The following PINX1 variants were observed in gnomAD, a reference collection of about 807,000 sequenced individuals.
The protein encoded by PINX1 is PIN2 (TERF1) interacting telomerase inhibitor 1.
PINX1 carries 34 observed loss-of-function variants against 25.4 expected under a neutral mutation model. The ratio of observed to expected loss-of-function variants is 1.34; its 90% CI spans 1.02 to 1.78. The LOEUF (loss-of-function observed/expected upper bound fraction) is 1.78, where lower values mean the gene tolerates loss of function less well. Ranked by LOEUF, PINX1 falls within the 40% of genes most tolerant of loss-of-function variation. The probability of loss-of-function intolerance (pLI) is 0.00; values close to 1 mark genes in which losing one functional copy is unlikely to be tolerated. For missense variants in PINX1, 592 were observed against 404.9 expected (o/e 1.46, Z -3.97); for synonymous variants, 197 against 147.7 (o/e 1.33, Z -2.42).
chr8:10,790,572 C>G (rs1246072682), intron 6 of PINX1, among the ~76,000 whole-genome samples: 1 of 152,150 alleles, frequency 6.6e-6, no homozygotes, highest in Non-Finnish European at 1.5e-5. Context: ...ACTGTCAGCC[C>G]CCAATCCCAG....
intron 1 of PINX1, among the ~76,000 whole-genome samples, chr8:10,836,441 G>C (rs764872728): frequency 6.6e-6 from 1 of 152,240 alleles, no homozygotes; most frequent in Non-Finnish European, 1.5e-5. Flanking sequence ...GTGTGTCAGA[G>C]TTCATGTGTC....
chr8:10,829,054 G>A (rs1358654765), intron 4 of PINX1, among the ~76,000 whole-genome samples: 2 of 152,206 alleles, frequency 1.3e-5, no homozygotes, highest in African/African-American at 2.4e-5. Context: ...TTGAGAGGCT[G>A]AGGTGGGTGG....
intron 5 of PINX1, among the ~76,000 whole-genome samples, chr8:10,825,845 G>A (rs1306459057): frequency 6.6e-6 from 1 of 152,204 alleles, no homozygotes; most frequent in African/African-American, 2.4e-5. Context: ...ATTATTTTCT[G>A]ACCTAGCTAC....
At chr8:10,837,321 C>T (rs1798433433) in intron 1 of PINX1, among the ~76,000 whole-genome samples, 1 of 152,194 alleles carries the variant, frequency 6.6e-6, no homozygotes, top group Admixed American at 6.5e-5. Context: ...AGGAATTAAG[C>T]GTGTTATGTG....
chr8:10,821,171 G>A (rs977774947), intron 5 of PINX1, among the ~76,000 whole-genome samples: 82 of 152,236 alleles, frequency 5.4e-4, no homozygotes, highest in African/African-American at 1.9e-3. Flanking sequence ...TGAGTCTCAC[G>A]CTGGAAGCCG....
intron 6 of PINX1, among the ~76,000 whole-genome samples, chr8:10,788,325 G>T (rs544466899): frequency 1.3e-5 from 2 of 152,296 alleles, no homozygotes; most frequent in East Asian, 3.9e-4. Context: ...ACTCTGGGAG[G>T]CCAAGGCAGG....
chr8:10,795,594 T>C (rs778512218), intron 6 of PINX1, among the ~76,000 whole-genome samples: 4 of 152,140 alleles, frequency 2.6e-5, no homozygotes, highest in Non-Finnish European at 5.9e-5. Context: ...AAAGATGGGG[T>C]TTCACCATGT....
chr8:10,822,258 A>G (rs540285459), intron 5 of PINX1: 1 of 146,544 alleles, frequency 6.8e-6, no homozygotes, highest in African/African-American at 2.4e-5. Flanking sequence ...GAAAGCTTAT[A>G]AACACCAGGA....
intron 6 of PINX1, among the ~76,000 whole-genome samples, chr8:10,767,006 T>C (rs1801073124): frequency 6.6e-6 from 1 of 152,206 alleles, no homozygotes; most frequent in African/African-American, 2.4e-5. Context: ...CCACAGAGAC[T>C]CTGGAAATAA....
chr8:10,818,799 C>T (rs1014628781), intron 6 of PINX1, among the ~76,000 whole-genome samples: 5 of 152,016 alleles, frequency 3.3e-5, no homozygotes, highest in East Asian at 1.9e-4. Context: ...TCAAGAGGCG[C>T]GGGACTGGAA....
chr8:10,770,825 G>C (rs1801200095), intron 6 of PINX1, among the ~76,000 whole-genome samples: 1 of 152,198 alleles, frequency 6.6e-6, no homozygotes, highest in Non-Finnish European at 1.5e-5. Context: ...CAGCTCGCCA[G>C]CCTTGCTCAT....
chr8:10,770,144 C>T (rs529654193), intron 6 of PINX1, among the ~76,000 whole-genome samples: 75 of 152,320 alleles, frequency 4.9e-4, no homozygotes, highest in African/African-American at 1.7e-3. Context: ...AACCTTCCAC[C>T]CAGGCAAGAA....
chr8:10,783,054 A>T (rs894256692), intron 6 of PINX1, among the ~76,000 whole-genome samples: 1 of 152,122 alleles, frequency 6.6e-6, no homozygotes, highest in Admixed American at 6.5e-5. Flanking sequence ...ATGGAGGGAG[A>T]CTCCATAGAT....
chr8:10,784,376 C>T (rs150690033), intron 6 of PINX1, among the ~76,000 whole-genome samples: 3 of 152,144 alleles, frequency 2.0e-5, no homozygotes, highest in South Asian at 2.1e-4. Context: ...ATTTGGGAAT[C>T]GGAATTCGAT....
chr8:10,807,302 T>G (rs1277255627), intron 6 of PINX1, among the ~76,000 whole-genome samples: 2 of 99,664 alleles, frequency 2.0e-5, no homozygotes, highest in Admixed American at 1.2e-4. Context: ...GGTTGGAAAA[T>G]AAAAATCAAG....
At chr8:10,821,715 C>T (rs770602247) in intron 5 of PINX1, 1 of 152,204 alleles carries the variant, frequency 6.6e-6, no homozygotes, top group African/African-American at 2.4e-5. Flanking sequence ...CAATGCAAAG[C>T]ACAGTTTGTA....
intron 6 of PINX1, among the ~76,000 whole-genome samples, chr8:10,767,660 C>T (rs1209685650): frequency 6.6e-6 from 1 of 152,244 alleles, no homozygotes; most frequent in Non-Finnish European, 1.5e-5. Flanking sequence ...GCTCTCCCGG[C>T]ACGAGCCAAT....
At position 10,765,625 on chromosome 8, in the gene PINX1, C is replaced by G. The variant is rs202202690; in HGVS notation, c.763G>C (p.Ala255Pro). 1 of 1,613,842 alleles carries G rather than the reference C, an allele frequency of 6.2e-7. No individual in the cohort carries two copies. The highest frequency in any genetic ancestry group is 2.2e-5 in the East Asian group (1 of 44,860). Residue 255 changes from alanine to proline, a missense_variant, in exon 7 of 7, where the codon GCG becomes CCG. Ala to Pro is a conservative substitution (Grantham distance 27). Transcript: ENST00000314787. ...AQERVAKKKS[A>P]PAEEQLRGPC... ...CCTCTGAGCTGCTCTTCTGCTGGCG[C>G]GCTCTTCTTCTTGGCCACTCGCTCC...
chr8:10,775,033 A>G (rs1452678720), intron 6 of PINX1, among the ~76,000 whole-genome samples: 4 of 152,188 alleles, frequency 2.6e-5, no homozygotes, highest in Non-Finnish European at 5.9e-5. Flanking sequence ...ACAACAAACC[A>G]ACTACAAAGC....
Sources: gnomAD v4.1 joint callset for allele counts (sites outside exome capture counted in the v4.1 genomes callset) on GRCh38, gnomAD v4.1.1 for gene constraint, MANE v1.5 for transcripts, NCBI Gene and HGNC (gene_info 2026-07-23, HGNC 2026-07-21) for gene names.